The following DST variants were observed in gnomAD, a reference collection of about 807,000 sequenced individuals.
DST encodes dystonin.
In DST, 253 loss-of-function variants were observed where a neutral mutation model predicts 875.2. The observed-to-expected ratio is 0.29, with a 90% confidence interval of 0.26 to 0.32. The LOEUF (loss-of-function observed/expected upper bound fraction) is 0.32. DST is among the 10% of genes least tolerant of loss of function. DST has a pLI of 1.00. For missense variants in DST, 8,287 were observed against 9,111.6 expected, an observed-to-expected ratio of 0.91 and a Z score of 3.68; for synonymous variants, 3,124 against 3,197.1, an observed-to-expected ratio of 0.98 and a Z score of 0.77.
At chr6:56,917,801 G>A (rs1801984754) in intron 2 of DST, among the ~76,000 whole-genome samples, 2 of 152,064 alleles carry the variant, frequency 1.3e-5, no homozygotes. Flanking sequence ...TCCTACTTAT[G>A]TTTGGGCACA....
rs2098405683 is a variant in DST at position 56,597,763 on chromosome 6, T to G, written c.12172A>C (p.Asn4058His). Residue 4058 changes from asparagine (N) to histidine (H), a missense_variant, in exon 47 of 104, where the codon AAT (asparagine) becomes CAT (histidine). By Grantham distance (68) the Asn-to-His change is moderately conservative. Around this residue, in one of 10 missense-constraint regions of DST, gnomAD observed 1,513 missense variants for 1,677.8 expected, o/e 0.90. Transcript: ENST00000680361. ...GQVGTTQENL[N>H]QQYQKVKAQH... ...ACCTTAACTTTCTGATATTGCTGATTCAGATTCTCCTGAGTGGTTCCAACT... is the reference window on the plus strand; with the variant it reads ...ACCTTAACTTTCTGATATTGCTGATGCAGATTCTCCTGAGTGGTTCCAACT... 1.2e-6 allele frequency: 2 copies of G among 1,613,784 alleles called. No individual in the cohort carries two copies. The highest frequency in any genetic ancestry group is 1.3e-5 in the African/African-American group (1 of 75,046).
At chr6:56,711,111 T>C (rs1439090827) in intron 5 of DST, among the ~76,000 whole-genome samples, 1 of 152,190 alleles carries the variant, frequency 6.6e-6, no homozygotes, top group Non-Finnish European at 1.5e-5. Flanking sequence ...TCTTTTTAGC[T>C]TTTGGGTAGA....
chr6:56,897,213 G>A (rs1333349962), intron 3 of DST, among the ~76,000 whole-genome samples: 1 of 150,490 alleles, frequency 6.6e-6, no homozygotes. Context: ...TGTTGAGAAG[G>A]GTGTCCTTTC....
At chr6:56,563,488 T>A (rs1242738842) in intron 55 of DST, among the ~76,000 whole-genome samples, 3 of 152,314 alleles carry the variant, frequency 2.0e-5, no homozygotes, top group African/African-American at 7.2e-5. Context: ...TATCAGCCAT[T>A]TGTCAGGTGG....
chr6:56,512,987 G>T (rs2096509383), intron 72 of DST, among the ~76,000 whole-genome samples: 1 of 152,186 alleles, frequency 6.6e-6, no homozygotes, highest in Non-Finnish European at 1.5e-5. Flanking sequence ...AATGGAGGTG[G>T]TGATGGTATA....
chr6:56,705,440 A>T (rs2099329325), intron 5 of DST, among the ~76,000 whole-genome samples: 1 of 152,242 alleles, frequency 6.6e-6, no homozygotes. Flanking sequence ...ATATAACTAC[A>T]CAAACACAAA....
chr6:56,947,332 C>T (rs1194758786), intron 2 of DST, among the ~76,000 whole-genome samples: 1 of 150,318 alleles, frequency 6.7e-6, no homozygotes, highest in Non-Finnish European at 1.5e-5. Context: ...CTCACTGCAA[C>T]CTCCACCTCC....
intron 49 of DST, among the ~76,000 whole-genome samples, chr6:56,583,214 A>T (rs1039079933): frequency 3.9e-5 from 6 of 152,212 alleles, no homozygotes; most frequent in African/African-American, 1.4e-4. Context: ...TCCCACCAAC[A>T]GTGTAAAAGT....
intron 36 of DST, among the ~76,000 whole-genome samples, chr6:56,622,199 A>G (rs1212439279): frequency 6.6e-6 from 1 of 152,194 alleles, no homozygotes; most frequent in East Asian, 1.9e-4. Flanking sequence ...TCATGCTCAG[A>G]TTTAGAAAAA....
intron 10 of DST, among the ~76,000 whole-genome samples, chr6:56,652,783 T>C (rs748127318): frequency 6.6e-6 from 1 of 152,228 alleles, no homozygotes; most frequent in Non-Finnish European, 1.5e-5. Flanking sequence ...GTTTTCAACC[T>C]GCCACCAATA....
At chr6:56,869,479 A>T (rs1591886801) in intron 3 of DST, among the ~76,000 whole-genome samples, 1 of 152,142 alleles carries the variant, frequency 6.6e-6, no homozygotes, top group Non-Finnish European at 1.5e-5. Flanking sequence ...AAAACACAAA[A>T]ATAGAAACAA....
intron 77 of DST, among the ~76,000 whole-genome samples, chr6:56,504,773 G>A (rs536189805): frequency 1.3e-5 from 2 of 152,162 alleles, no homozygotes; most frequent in African/African-American, 4.8e-5. Flanking sequence ...ATAGCTCACT[G>A]TAACCTCAAA....
chr6:56,909,274 G>T (rs1181896866), intron 2 of DST, among the ~76,000 whole-genome samples: 1 of 152,110 alleles, frequency 6.6e-6, no homozygotes, highest in African/African-American at 2.4e-5. Flanking sequence ...TTGGTCACAA[G>T]CTAGGCTACG....
intron 4 of DST, among the ~76,000 whole-genome samples, chr6:56,780,770 C>A (rs1157259409): frequency 6.6e-6 from 1 of 151,070 alleles, no homozygotes; most frequent in Non-Finnish European, 1.5e-5. Flanking sequence ...GTTGCCATTG[C>A]TTTTGGTGTT....
At chr6:56,621,316 A>C (rs973351841) in intron 36 of DST, among the ~76,000 whole-genome samples, 4 of 152,266 alleles carry the variant, frequency 2.6e-5, no homozygotes, top group Non-Finnish European at 5.9e-5. Context: ...AAGGAAAATT[A>C]TACAAAAACT....
chr6:56,629,155 G>A (rs1206776587), intron 32 of DST, 95 bp downstream of exon 32: 4 of 1,210,280 alleles, frequency 3.3e-6, no homozygotes, highest in East Asian at 2.3e-5. Context: ...ATTAACTATG[G>A]AAGTAAAAAA....
intron 77 of DST, 151 bp downstream of exon 77, chr6:56,506,292 C>T (rs2096309964): frequency 3.5e-6 from 2 of 579,194 alleles, no homozygotes; most frequent in Admixed American, 6.6e-5. Flanking sequence ...AAAGACAAAA[C>T]ATGAAATGAG....
At position 56,618,621 on chromosome 6, in the gene DST, T is replaced by C. The variant is rs780418881; in HGVS notation, c.4930-4137A>G. ...TGTTCACGATACTGTTGAAGCTGTC[T>C]TTCAAGTTCTTTAATGTTTGTTTCA... On this transcript the variant is annotated intron_variant, in intron 36 of 103. Coordinates refer to ENST00000680361, the MANE Select transcript of DST (RefSeq NM_001374736.1). 1.2e-6 allele frequency: 2 copies of C among 1,614,190 alleles called. No homozygotes were observed. The highest frequency in any genetic ancestry group is 4.5e-5 in the East Asian group (2 of 44,888).
intron 4 of DST, among the ~76,000 whole-genome samples, chr6:56,820,072 C>A (rs1439378904): frequency 6.6e-6 from 1 of 152,184 alleles, no homozygotes; most frequent in Non-Finnish European, 1.5e-5. Context: ...GTATGGCAAG[C>A]TGGTTAAGAG....
Sources: gnomAD v4.1 joint callset for allele counts (sites outside exome capture counted in the v4.1 genomes callset) on GRCh38, gnomAD v4.1.1 for gene constraint, gnomAD v4.1.1 regional missense constraint, MANE v1.5 for transcripts, NCBI Gene and HGNC (gene_info 2026-07-23, HGNC 2026-07-21) for gene names.